The following FOCAD variants were observed in gnomAD, a reference collection of about 807,000 sequenced individuals.
FOCAD encodes KIAA1797.
FOCAD carries 198 observed loss-of-function variants against 225.6 expected under a neutral mutation model. The ratio of observed to expected loss-of-function variants is 0.88; its 90% CI spans 0.78 to 0.99. FOCAD has a LOEUF of 0.99. Ranked by LOEUF, FOCAD falls within the 50% of genes least tolerant of loss-of-function variation. FOCAD has a pLI of 0.00. For synonymous variants in FOCAD, 897 were observed against 755.0 expected, an observed-to-expected ratio of 1.19 and a Z score of -3.08; for missense variants, 2,713 against 2,123.6, an observed-to-expected ratio of 1.28 and a Z score of -5.46.
At position 20,752,732 on chromosome 9, in the gene FOCAD, G is replaced by C. The variant is rs202226562; in HGVS notation, c.393-5358G>C. Among the ~76,000 whole-genome samples the C allele has an allele frequency of 6.0e-3, 916 of 152,136 alleles. 5 individuals are homozygous for C. The highest frequency in any genetic ancestry group is 0.044 in the Middle Eastern group (13 of 294). ...TAGCTTGCTGGGGATGGCATTGAAT[G>C]TGTAAATTACCTTGGGCAGTATGGC... On this transcript the variant is annotated intron_variant, in intron 5 of 43. Coordinates refer to ENST00000338382, the MANE Select transcript of FOCAD (RefSeq NM_001375567.1).
chr9:20,661,550 A>G (rs1357181674), intron 2 of FOCAD, among the ~76,000 whole-genome samples: 7 of 152,200 alleles, frequency 4.6e-5, no homozygotes, highest in Non-Finnish European at 1.0e-4. Flanking sequence ...AAAGTCTAAG[A>G]GGGAACTGTT....
chr9:20,735,653 C>G (rs1419283367), intron 4 of FOCAD, among the ~76,000 whole-genome samples: 1 of 151,706 alleles, frequency 6.6e-6, no homozygotes, highest in African/African-American at 2.4e-5. Context: ...GTAGCTAGGA[C>G]TACAAGTGTG....
intron 3 of FOCAD, among the ~76,000 whole-genome samples, chr9:20,718,144 G>A (rs1407225694): frequency 6.6e-6 from 1 of 152,148 alleles, no homozygotes; most frequent in Non-Finnish European, 1.5e-5. Flanking sequence ...AATATGGGTG[G>A]AATGAGAGAA....
intron 31 of FOCAD, 135 bp from the exon 32 acceptor site, chr9:20,948,714 TCA>T: frequency 1.2e-6 from 1 of 848,854 alleles, no homozygotes. Context: ...CATTTTTGGT[TCA>T]GTTATACAGG....
rs370908909 is a variant in FOCAD, at chr9:20,820,966, G to A, written c.1688G>A (p.Arg563His). 129 of 1,612,582 alleles carry A rather than the reference G, an allele frequency of 8.0e-5. 1 individual carries two copies. The highest frequency in any genetic ancestry group is 1.8e-4 in the Admixed American group (11 of 59,892). Residue 563 changes from arginine (R) to histidine (H), a missense_variant, in exon 14 of 44, where the codon CGT becomes CAT. Physicochemically the swap from Arg to His is conservative, Grantham distance 29. Transcript: ENST00000338382. ...GACCGAGTCTATCCTGAACTGCAGC[G>A]TTTCATGGCTGTGTCTGATGTACCT... is the stretch of plus-strand genomic sequence containing the variant. ...KQDRVYPELQ[R>H]FMAVSDVPSL...
chr9:20,802,176 G>C (rs1821915101), intron 11 of FOCAD, among the ~76,000 whole-genome samples: 1 of 152,002 alleles, frequency 6.6e-6, no homozygotes. Flanking sequence ...TTGGACTTTT[G>C]GAAGCTGTGT....
chr9:20,985,732 G>C (rs1044351663), intron 39 of FOCAD, among the ~76,000 whole-genome samples: 3 of 151,840 alleles, frequency 2.0e-5, no homozygotes, highest in African/African-American at 7.3e-5. Flanking sequence ...TTTACTCAAG[G>C]GCCAATGTTT....
At chr9:20,839,729 G>A (rs767355973) in intron 15 of FOCAD, among the ~76,000 whole-genome samples, 4 of 151,712 alleles carry the variant, frequency 2.6e-5, no homozygotes, top group Admixed American at 6.6e-5. Context: ...ACAGGCATAC[G>A]ATGTCTAATA....
At chr9:20,893,264 A>G in intron 21 of FOCAD, among the ~76,000 whole-genome samples, 1 of 152,134 alleles carries the variant, frequency 6.6e-6, no homozygotes, top group Non-Finnish European at 1.5e-5. Flanking sequence ...ATAATAGATT[A>G]TAGTATAGTG....
In FOCAD at chr9:20,866,917, T is replaced by TTTTTTTTAAAAA; in HGVS notation, c.2107-12_2107-11insTTTTTTTAAAAA. The TTTTTTTTAAAAA allele has an allele frequency of 2.6e-6, 2 of 764,972 alleles. No homozygotes were observed. Among genetic ancestry groups the TTTTTTTTAAAAA allele is most frequent in the Non-Finnish European group, 4.0e-6 (2 of 498,468 alleles). 47.4% of individuals were successfully genotyped at this position (764,972 alleles called of 1,614,324 possible). A position where few individuals can be genotyped will look rare whatever the true frequency, so the allele number is the denominator to read the frequency against. ...TTTTTTTTTTTTTTTTTTTTTTTTT[T>TTTTTTTTAAAAA]ACCCTATCTAGGACCCAATTGTAGC... On this transcript the variant is annotated splice_polypyrimidine_tract_variant and intron_variant, in intron 17 of 43. Transcript: ENST00000338382.
chr9:20,886,060 T>C (rs1831080818), intron 21 of FOCAD, among the ~76,000 whole-genome samples: 1 of 152,238 alleles, frequency 6.6e-6, no homozygotes, highest in East Asian at 1.9e-4. Context: ...GTAATTAATT[T>C]GATTCACTTT....
intron 15 of FOCAD, among the ~76,000 whole-genome samples, chr9:20,853,290 A>C (rs1827851288): frequency 6.6e-6 from 1 of 151,760 alleles, no homozygotes; most frequent in Non-Finnish European, 1.5e-5. Context: ...GGGGAATAAA[A>C]AAGAAACCTA....
chr9:20,712,312 A>G (rs1824917910), intron 1 of FOCAD, among the ~76,000 whole-genome samples: 2 of 152,184 alleles, frequency 1.3e-5, no homozygotes. Flanking sequence ...AAGAAGTAAC[A>G]TAGAAATTAT....
chr9:20,933,860 C>T (rs1025509026), intron 28 of FOCAD, among the ~76,000 whole-genome samples: 1 of 152,006 alleles, frequency 6.6e-6, no homozygotes, highest in Middle Eastern at 3.2e-3. Flanking sequence ...CTGTTCACCG[C>T]GTCCACACCA....
At chr9:20,885,927 A>G (rs1017458397) in intron 21 of FOCAD, among the ~76,000 whole-genome samples, 2 of 152,256 alleles carry the variant, frequency 1.3e-5, no homozygotes, top group Admixed American at 6.5e-5. Flanking sequence ...TAGGTTATAT[A>G]TCAGTTATAA....
intron 4 of FOCAD, among the ~76,000 whole-genome samples, chr9:20,730,322 G>C (rs1288852696): frequency 2.0e-5 from 3 of 151,866 alleles, no homozygotes; most frequent in Non-Finnish European, 4.4e-5. Flanking sequence ...TCTATAAAGA[G>C]AATCTTCCCC....
At chr9:20,852,216 C>T (rs1827729874) in intron 15 of FOCAD, among the ~76,000 whole-genome samples, 1 of 151,720 alleles carries the variant, frequency 6.6e-6, no homozygotes, top group Non-Finnish European at 1.5e-5. Context: ...CAAAGTAATT[C>T]CTAAGAAGTT....
At chr9:20,792,408 C>T (rs546574563) in intron 11 of FOCAD, among the ~76,000 whole-genome samples, 1 of 152,222 alleles carries the variant, frequency 6.6e-6, no homozygotes, top group South Asian at 2.1e-4. Context: ...ATAGAATATG[C>T]CAAAGAGCAA....
At chr9:20,949,319 A>G (rs1371722263) in intron 32 of FOCAD, among the ~76,000 whole-genome samples, 1 of 152,180 alleles carries the variant, frequency 6.6e-6, no homozygotes, top group Non-Finnish European at 1.5e-5. Context: ...GTGGACATAT[A>G]TATGTGTAAG....
Sources: gnomAD v4.1 joint callset for allele counts (sites outside exome capture counted in the v4.1 genomes callset) on GRCh38, gnomAD v4.1.1 for gene constraint, MANE v1.5 for transcripts, NCBI Gene and HGNC (gene_info 2026-07-23, HGNC 2026-07-21) for gene names.